The following ABI1 variants were observed in gnomAD, a reference collection of about 807,000 sequenced individuals.
The protein encoded by ABI1 is Abelson interactor 1.
In ABI1, 14 loss-of-function variants were observed where a neutral mutation model predicts 54.6. The observed-to-expected ratio is 0.26, with a 90% CI of 0.17 to 0.40. ABI1 has a LOEUF of 0.40. Among genes scored for constraint, ABI1 ranks in the 10% least tolerant of loss-of-function variants. The pLI is 1.00. For synonymous variants in ABI1, 194 were observed against 209.3 expected (o/e 0.93, Z 0.63); for missense variants, 443 against 598.3 (o/e 0.74, Z 2.71).
intron 2 of ABI1, among the ~76,000 whole-genome samples, chr10:26,788,408 T>C (rs930817951): frequency 1.3e-5 from 2 of 152,178 alleles, no homozygotes; most frequent in Non-Finnish European, 2.9e-5. Flanking sequence ...TACTAAAAAA[T>C]AATAAATCTG....
At position 26,860,440 on chromosome 10, in the gene ABI1, C is replaced by T. The variant is rs1009251446; in HGVS notation, c.117+307G>A. On this transcript the variant is annotated intron_variant, in intron 1 of 10. Transcript: ENST00000376140. This position sits in a 1 kb window ranked among gnomAD's most constrained non-coding sequence, Gnocchi z 4.1. ...GGGCGCGCGACCCCGGTGGCCGGGC[C>T]CTGGGGGAAGCGGACGCGAGGGGGG... is the stretch of plus-strand genomic sequence containing the variant. Among the ~76,000 whole-genome samples, 1 of 152,186 alleles carries T rather than the reference C, an allele frequency of 6.6e-6. No homozygotes were observed. Among genetic ancestry groups the T allele is most frequent in the Admixed American group, 6.5e-5 (1 of 15,286 alleles).
chr10:26,840,987 T>TCC (rs1324615950), intron 1 of ABI1, among the ~76,000 whole-genome samples: 1 of 152,188 alleles, frequency 6.6e-6, no homozygotes, highest in African/African-American at 2.4e-5. Context: ...AGAAACTATG[T>TCC]CCCTGCTCAG....
intron 2 of ABI1, among the ~76,000 whole-genome samples, chr10:26,780,689 C>T (rs1841997055): frequency 1.3e-5 from 2 of 152,256 alleles, no homozygotes; most frequent in South Asian, 4.1e-4. Context: ...TCTCCAAGTT[C>T]CCAAAGGAGA....
In ABI1 at chr10:26,767,730, T is replaced by C. The variant is rs115940613; in HGVS notation, c.719+1122A>G. ...AAATTTTTAAAAACCCACCGGGTAA[T>C]TGACTTTTAGGACATTTAAAAATAA... On this transcript the variant is annotated intron_variant, in intron 6 of 10. Transcript: ENST00000376140. 4.0e-3 allele frequency among the ~76,000 whole-genome samples: 612 copies of C among 152,250 alleles called. 4 individuals carry two copies. The highest frequency in any genetic ancestry group is 0.029 in the East Asian group (151 of 5,172).
chr10:26,810,237 A>C (rs529107922), intron 2 of ABI1, among the ~76,000 whole-genome samples: 1 of 152,114 alleles, frequency 6.6e-6, no homozygotes, highest in South Asian at 2.1e-4. Context: ...CCCTAACAGA[A>C]CTTCTTCCAT....
At chr10:26,777,592 C>T (rs1018667581) in intron 2 of ABI1, among the ~76,000 whole-genome samples, 2 of 152,028 alleles carry the variant, frequency 1.3e-5, no homozygotes, top group East Asian at 3.9e-4. Context: ...GCCTGGGCAA[C>T]ATGGCAAAAC....
At chr10:26,810,903 A>C (rs892743104) in intron 2 of ABI1, among the ~76,000 whole-genome samples, 1 of 152,148 alleles carries the variant, frequency 6.6e-6, no homozygotes. Context: ...GAAAAAAGTA[A>C]GGGGGTAGGG....
chr10:26,754,598 G>C (rs899953922), intron 9 of ABI1, among the ~76,000 whole-genome samples: 1 of 152,172 alleles, frequency 6.6e-6, no homozygotes, highest in East Asian at 1.9e-4. Flanking sequence ...GGGAGGGAAT[G>C]GGGAGAATAA....
At chr10:26,804,601 A>G (rs1343153649) in intron 2 of ABI1, among the ~76,000 whole-genome samples, 2 of 152,210 alleles carry the variant, frequency 1.3e-5, no homozygotes, top group Admixed American at 6.5e-5. Context: ...AAGAGAAAAA[A>G]GGGATGACAG....
chr10:26,836,259 T>G (rs1275628615), intron 1 of ABI1, among the ~76,000 whole-genome samples: 1 of 151,944 alleles, frequency 6.6e-6, no homozygotes, highest in Non-Finnish European at 1.5e-5. Context: ...ACTACAGGCG[T>G]GCGCCACCAC....
At chr10:26,779,279 T>C (rs1246174395) in intron 2 of ABI1, among the ~76,000 whole-genome samples, 4 of 152,180 alleles carry the variant, frequency 2.6e-5, no homozygotes, top group East Asian at 1.9e-4. Context: ...TCCTCCACTT[T>C]AGTGCCTGTG....
intron 7 of ABI1, chr10:26,764,042 T>A: frequency 9.1e-7 from 1 of 1,098,884 alleles, no homozygotes; most frequent in South Asian, 1.6e-5. Flanking sequence ...GTACAATGTA[T>A]CGGGAAGAAA....
At chr10:26,854,266 G>T (rs2050638561) in intron 1 of ABI1, among the ~76,000 whole-genome samples, 3 of 152,050 alleles carry the variant, frequency 2.0e-5, no homozygotes, top group African/African-American at 7.2e-5. Context: ...ATATAAAGCT[G>T]TTATTAGTAT....
In ABI1 at chr10:26,860,158, AT is replaced by A. The variant is rs543556086; in HGVS notation, c.117+588del. Among the ~76,000 whole-genome samples the A allele has an allele frequency of 8.3e-4, 126 of 151,908 alleles. No individual in the cohort carries two copies. Among genetic ancestry groups the A allele is most frequent in the Non-Finnish European group, 1.6e-3 (112 of 67,928 alleles). On this transcript the variant is annotated intron_variant, in intron 1 of 10. Transcript: ENST00000376140. The surrounding 1 kb of genome is among the most constrained non-coding windows in gnomAD (Gnocchi z 4.1). The stretch of plus-strand genomic sequence containing the variant: ...GTCGGTGTAATGTGACTCATGACAA[AT>A]TTTTTTTAAATAAATAAATAAATAA...
intron 1 of ABI1, among the ~76,000 whole-genome samples, chr10:26,855,197 G>A (rs546521657): frequency 2.0e-5 from 3 of 152,290 alleles, no homozygotes; most frequent in African/African-American, 7.2e-5. Context: ...AAATGCCAAA[G>A]TTACCATCTT....
intron 10 of ABI1, among the ~76,000 whole-genome samples, chr10:26,749,454 A>G (rs1837338783): frequency 6.6e-6 from 1 of 152,136 alleles, no homozygotes; most frequent in African/African-American, 2.4e-5. Context: ...TCTAAACACA[A>G]AACTCATTTT....
In ABI1 at chr10:26,748,219, G is replaced by A. The variant is rs1240593648; in HGVS notation, c.*351C>T. 3 of 237,796 alleles carry A rather than the reference G, an allele frequency of 1.3e-5. No individual in the cohort carries two copies. The highest frequency in any genetic ancestry group is 5.5e-5 in the Admixed American group (1 of 18,182). The allele number at this position is 237,796 out of a possible 1,614,324, so 14.7% of individuals were successfully genotyped here. On this transcript the variant is annotated 3_prime_UTR_variant, in exon 11 of 11. Coordinates refer to ENST00000376140, the MANE Select transcript of ABI1 (RefSeq NM_001012750.3). Reference sequence around the variant, plus strand: ...GATTTTAATATTAGTCTGACATAGCGTTAGTAACCATGCTGCACTGAAACA... The same window carrying A: ...GATTTTAATATTAGTCTGACATAGCATTAGTAACCATGCTGCACTGAAACA...
At chr10:26,808,734 C>T (rs138423411) in intron 2 of ABI1, among the ~76,000 whole-genome samples, 45 of 151,610 alleles carry the variant, frequency 3.0e-4, no homozygotes, top group Admixed American at 6.6e-4. Context: ...ACAACAACAA[C>T]AAAAAAGGTA....
intron 3 of ABI1, among the ~76,000 whole-genome samples, chr10:26,772,879 C>T (rs976302050): frequency 6.6e-6 from 1 of 151,744 alleles, no homozygotes; most frequent in Admixed American, 6.6e-5. Flanking sequence ...TTGAGACCAG[C>T]CTGGGCAACA....
Sources: gnomAD v4.1 joint callset for allele counts (sites outside exome capture counted in the v4.1 genomes callset) on GRCh38, gnomAD v4.1.1 for gene constraint, Gnocchi (gnomAD v3.1) non-coding constraint, MANE v1.5 for transcripts, NCBI Gene and HGNC (gene_info 2026-07-23, HGNC 2026-07-21) for gene names.